Variants in ALG9 observed in about 807,000 individuals in gnomAD.
ALG9 encodes alpha-1,2-mannosyltransferase ALG9.
ALG9 carries 55 observed loss-of-function variants against 81.8 expected under a neutral mutation model. The ratio of observed to expected loss-of-function variants is 0.67; its 90% CI spans 0.54 to 0.84. The LOEUF is 0.84. Among genes scored for constraint, ALG9 ranks in the 40% least tolerant of loss-of-function variants. The probability of loss-of-function intolerance (pLI) is 0.00; values close to 1 mark genes in which losing one functional copy is unlikely to be tolerated. For missense variants in ALG9, 629 were observed against 745.0 expected (o/e 0.84, Z 1.81); for synonymous variants, 278 against 274.3 (o/e 1.01, Z -0.13).
At chr11:111,820,920 G>GCACACACACA (rs58305552) in intron 13 of ALG9, among the ~76,000 whole-genome samples, 328 of 146,356 alleles carry the variant, frequency 2.2e-3, no homozygotes, top group African/African-American at 7.9e-3. Flanking sequence ...AAACACGCGC[G>GCACACACACA]CACACACACA....
chr11:111,781,908 A>G (rs1268914863), downstream of ALG9, among the ~76,000 whole-genome samples: 8 of 152,194 alleles, frequency 5.3e-5, no homozygotes, highest in South Asian at 6.2e-4. Flanking sequence ...GGCATCCCAC[A>G]GTGCTGTGAT....
chr11:111,777,332 G>A (rs782328096), downstream of ALG9, among the ~76,000 whole-genome samples: 18 of 152,184 alleles, frequency 1.2e-4, no homozygotes, highest in Non-Finnish European at 2.1e-4. Flanking sequence ...AGCAATACAA[G>A]AGTGCAATGC....
At chr11:111,870,992 TAA>T (rs1373185140) in intron 1 of ALG9, 1 of 1,027,884 alleles carries the variant, frequency 9.7e-7, no homozygotes, top group Non-Finnish European at 1.2e-6. Context: ...ATGGGCCCAG[TAA>T]AGGGTCGGGA....
intron 10 of ALG9, among the ~76,000 whole-genome samples, chr11:111,839,914 T>C (rs1955954039): frequency 6.6e-6 from 1 of 151,980 alleles, no homozygotes; most frequent in Admixed American, 6.6e-5. Flanking sequence ...GAACAGAAAG[T>C]AGATTAATGG....
the ALG9 span, among the ~76,000 whole-genome samples, chr11:111,775,615 C>T: frequency 2.0e-5 from 3 of 152,198 alleles, no homozygotes; most frequent in Non-Finnish European, 2.9e-5. Context: ...AAACAAGTGC[C>T]TGTAGTCCCA....
At chr11:111,825,159 T>C (rs1953018839) in intron 13 of ALG9, among the ~76,000 whole-genome samples, 1 of 152,196 alleles carries the variant, frequency 6.6e-6, no homozygotes, top group Non-Finnish European at 1.5e-5. Flanking sequence ...TCCTAATTGG[T>C]CCAAATTTCT....
At chr11:111,857,293 C>G (rs1958854565) in intron 6 of ALG9, among the ~76,000 whole-genome samples, 2 of 152,156 alleles carry the variant, frequency 1.3e-5, no homozygotes, top group Non-Finnish European at 2.9e-5. Context: ...TTCAAACTCT[C>G]AGAGTCTACT....
At position 111,786,059 on chromosome 11, in the gene ALG9, A is replaced by G. The variant is rs1946423709; in HGVS notation, c.*338T>C. On this transcript the variant is annotated 3_prime_UTR_variant, in exon 15 of 15. Transcript: ENST00000616540. ...ACAGCCATCCAGTACCAGGATTTTC[A>G]ATTCTTCCTGTAAGTTGGTTCTGCT... The G allele has an allele frequency of 2.2e-6, 1 of 460,438 alleles. No homozygotes were observed. Among genetic ancestry groups the G allele is most frequent in the African/African-American group, 2.0e-5 (1 of 50,246 alleles). The allele number at this position is 460,438 out of a possible 1,614,324, so 28.5% of individuals were successfully genotyped here.
chr11:111,827,718 A>G (rs1953601513), intron 13 of ALG9, among the ~76,000 whole-genome samples: 1 of 151,658 alleles, frequency 6.6e-6, no homozygotes, highest in African/African-American at 2.4e-5. Flanking sequence ...AATACAAAAA[A>G]TTAGCCAGGC....
rs1555150928 is a variant in ALG9 at position 111,864,591 on chromosome 11, T to C, written c.476+590A>G. ...GTGCTGTAATATACGAACTTCTAGT[T>C]TCATCAGTCTTTAACATCTACCTCT... On this transcript the variant is annotated intron_variant, in intron 4 of 14. Transcript: ENST00000616540. 5.8e-6 allele frequency: 3 copies of C among 518,516 alleles called. No homozygotes were observed. The South Asian group carries it at 7.7e-5, about 13-fold the overall frequency. 32.1% of individuals were successfully genotyped at this position (518,516 alleles called of 1,614,324 possible). A position where few individuals can be genotyped will look rare whatever the true frequency, so the allele number is the denominator to read the frequency against.
chr11:111,841,174 C>G (rs1956159813), intron 9 of ALG9, among the ~76,000 whole-genome samples: 1 of 152,152 alleles, frequency 6.6e-6, no homozygotes, highest in Non-Finnish European at 1.5e-5. Context: ...CTGAGTTTAA[C>G]CAAAAGCATA....
intron 14 of ALG9, among the ~76,000 whole-genome samples, chr11:111,797,920 C>G (rs1948541036): frequency 6.6e-6 from 1 of 152,148 alleles, no homozygotes; most frequent in African/African-American, 2.4e-5. Context: ...CCAACTTGCC[C>G]TTTGACTAGA....
chr11:111,800,796 A>G (rs781826306), intron 14 of ALG9, among the ~76,000 whole-genome samples: 5 of 152,212 alleles, frequency 3.3e-5, no homozygotes, highest in Non-Finnish European at 7.3e-5. Flanking sequence ...CTGTCTACCT[A>G]TGATTTATCA....
At position 111,868,596 on chromosome 11, in the gene ALG9, C is replaced by A; in HGVS notation, c.405+6G>T. 6.2e-7 allele frequency: 1 copy of A among 1,613,696 alleles called. No homozygotes were observed. The highest frequency in any genetic ancestry group is 1.1e-5 in the South Asian group (1 of 91,032). On this transcript the variant is annotated splice_donor_region_variant and intron_variant, in intron 3 of 14. Coordinates refer to ENST00000616540, the MANE Select transcript of ALG9 (RefSeq NM_024740.2). ...TGTGATTGCTTCCAGGTTGGTCTGC[C>A]CTTACCTTATTAGTTTGTAGAATTC...
intron 13 of ALG9, among the ~76,000 whole-genome samples, chr11:111,824,642 C>T (rs923204024): frequency 5.9e-5 from 9 of 152,112 alleles, no homozygotes; most frequent in Admixed American, 6.5e-5. Flanking sequence ...CTTTTCCTAC[C>T]GTAATTTCTG....
intron 1 of ALG9, chr11:111,870,868 T>G: frequency 1.0e-6 from 1 of 1,000,504 alleles, no homozygotes; most frequent in Non-Finnish European, 1.2e-6. Context: ...TATGTTCAGA[T>G]AGAAGCCTAG....
At chr11:111,826,065 T>TTAATAATAATAATAA (rs1953204213) in intron 13 of ALG9, among the ~76,000 whole-genome samples, 4 of 17,654 alleles carry the variant, frequency 2.3e-4, no homozygotes, top group Admixed American at 8.3e-4. Flanking sequence ...AAACTCCGTC[T>TTAATAATAATAATAA]CAATAATAAT....
chr11:111,837,731 G>A, intron 11 of ALG9, 116 bp from the exon 12 acceptor site: 2 of 1,170,154 alleles, frequency 1.7e-6, no homozygotes, highest in Non-Finnish European at 2.5e-6. Flanking sequence ...AGGCAGGAAG[G>A]GCCATAGCCA....
In ALG9 at chr11:111,787,735, G is replaced by A. The variant is rs142327319; in HGVS notation, c.1734-1215C>T. Among the ~76,000 whole-genome samples the A allele has an allele frequency of 7.3e-3, 1,103 of 151,800 alleles. 14 individuals are homozygous for A. Among genetic ancestry groups the A allele is most frequent in the African/African-American group, 0.025 (1,049 of 41,444 alleles). Reference sequence around the variant, plus strand: ...AGCCTCCCAAAGTGTTGGGATTACAGGCGTGAGCCACCGCACCTGGCAAAA... The same window carrying A: ...AGCCTCCCAAAGTGTTGGGATTACAAGCGTGAGCCACCGCACCTGGCAAAA... On this transcript the variant is annotated intron_variant, in intron 14 of 14. Coordinates refer to ENST00000616540, the MANE Select transcript of ALG9 (RefSeq NM_024740.2).
Sources: gnomAD v4.1 joint callset for allele counts (sites outside exome capture counted in the v4.1 genomes callset) on GRCh38, gnomAD v4.1.1 for gene constraint, MANE v1.5 for transcripts, NCBI Gene and HGNC (gene_info 2026-07-23, HGNC 2026-07-21) for gene names.